IQCK: variants seen among roughly 807,000 people sequenced by gnomAD.
The protein encoded by IQCK is IQ motif containing K.
Under a neutral mutation model 28.1 loss-of-function variants are expected in IQCK, and 29 were observed. That is an observed-to-expected ratio of 1.03 (90% CI 0.77 to 1.41). The LOEUF is 1.41. Among genes scored for constraint, IQCK ranks in the 40% most tolerant of loss-of-function variants. The pLI, the probability that IQCK is intolerant of heterozygous loss-of-function variation, is 0.00. For missense variants in IQCK, 359 were observed against 314.7 expected (o/e 1.14, Z -1.07); for synonymous variants, 113 against 115.1 (o/e 0.98, Z 0.12).
intron 1 of IQCK, among the ~76,000 whole-genome samples, chr16:19,730,050 G>C (rs1396199022): frequency 6.6e-6 from 1 of 151,510 alleles, no homozygotes. Context: ...CTGCCTCCCG[G>C]GTTCAAGCAA....
At chr16:19,813,171 G>C (rs11865403) in intron 7 of IQCK, among the ~76,000 whole-genome samples, 26,604 of 152,190 alleles carry the variant, frequency 0.17, 2,414 homozygotes, top group South Asian at 0.26. Context: ...ATGCAGTAGA[G>C]AGATAGGGAT....
intron 7 of IQCK, among the ~76,000 whole-genome samples, chr16:19,824,744 T>G (rs2056123429): frequency 6.6e-6 from 1 of 152,134 alleles, no homozygotes; most frequent in African/African-American, 2.4e-5. Flanking sequence ...AGTGAAGAGG[T>G]AGAAAGATGA....
chr16:19,720,410 A>T (rs1977456913), intron 1 of IQCK, among the ~76,000 whole-genome samples: 1 of 152,194 alleles, frequency 6.6e-6, no homozygotes, highest in Non-Finnish European at 1.5e-5. Context: ...TTCTTATAAT[A>T]CAGTTTACTA....
At chr16:19,803,484 T>C (rs1195558285) in intron 7 of IQCK, among the ~76,000 whole-genome samples, 2 of 152,244 alleles carry the variant, frequency 1.3e-5, no homozygotes, top group Admixed American at 6.5e-5. Context: ...GACTCTAACA[T>C]GCAGCCAGGA....
At chr16:19,763,926 A>C (rs753757509) in intron 5 of IQCK, 26 bp downstream of exon 5, 1 of 1,605,766 alleles carries the variant, frequency 6.2e-7, no homozygotes, top group Non-Finnish European at 8.5e-7. Flanking sequence ...CTGACTATTC[A>C]GTGATCCTAA....
downstream of IQCK, among the ~76,000 whole-genome samples, chr16:19,828,812 C>T (rs570382237): frequency 1.4e-5 from 2 of 146,520 alleles, no homozygotes; most frequent in Admixed American, 7.0e-5. Context: ...GATCGTGCTA[C>T]TGCACTTCAG....
intron 6 of IQCK, 128 bp downstream of exon 6, chr16:19,764,240 C>T (rs1288914872): frequency 6.9e-6 from 5 of 722,520 alleles, no homozygotes; most frequent in African/African-American, 5.3e-5. Flanking sequence ...ATATTTGTGA[C>T]TCCTGTCTCT....
At chr16:19,783,343 AAGG>A (rs1043166017) in intron 6 of IQCK, among the ~76,000 whole-genome samples, 24 of 152,234 alleles carry the variant, frequency 1.6e-4, no homozygotes, top group African/African-American at 5.8e-4. Context: ...TTGAGAAAAA[AAGG>A]AGGAGGACAT....
chr16:19,781,199 A>G (rs1383714896), intron 6 of IQCK, among the ~76,000 whole-genome samples: 1 of 152,228 alleles, frequency 6.6e-6, no homozygotes, highest in Non-Finnish European at 1.5e-5. Context: ...AAGACGTTAA[A>G]TAATACCACA....
downstream of IQCK, chr16:19,827,244 G>C: frequency 1.4e-6 from 1 of 734,958 alleles, no homozygotes; most frequent in South Asian, 1.6e-5. Context: ...TTGTCTGCAT[G>C]GAACTCAGCT....
At chr16:19,857,473 G>C (rs1464975929) in exon 10 of IQCK, 3 of 437,382 alleles carry the variant, frequency 6.9e-6, no homozygotes, top group African/African-American at 2.1e-5. Flanking sequence ...AGTCAGCCGG[G>C]GGAAGATAAA....
intron 7 of IQCK, among the ~76,000 whole-genome samples, chr16:19,809,761 C>A (rs112036048): frequency 0.024 from 3,693 of 152,260 alleles, 145 homozygotes; most frequent in African/African-American, 0.079. Context: ...CATAATTATC[C>A]AGAGGGCCTG....
rs1016767188 is a variant in IQCK, at chr16:19,778,153, G to A, written c.606-10685G>A. Among the ~76,000 whole-genome samples, 27 of 152,182 alleles carry A rather than the reference G, an allele frequency of 1.8e-4. 1 individual carries two copies. Among genetic ancestry groups the A allele is most frequent in the Admixed American group, 5.2e-4 (8 of 15,276 alleles). On this transcript the variant is annotated intron_variant, in intron 6 of 7. Coordinates refer to ENST00000564186, the Ensembl canonical transcript of IQCK. Reference sequence around the variant, plus strand: ...CACCATTTAGTAAAGCGTTTTCCCTGAGTTCTATGAGCTGTTGTAGAAAAT... The same window carrying A: ...CACCATTTAGTAAAGCGTTTTCCCTAAGTTCTATGAGCTGTTGTAGAAAAT...
intron 9 of IQCK, among the ~76,000 whole-genome samples, chr16:19,849,331 G>A (rs762971890): frequency 2.0e-5 from 3 of 150,592 alleles, no homozygotes; most frequent in African/African-American, 4.9e-5. Context: ...AATTTTGGAC[G>A]TAATGAATGT....
downstream of IQCK, among the ~76,000 whole-genome samples, chr16:19,827,533 G>T (rs757096953): frequency 1.3e-5 from 2 of 152,110 alleles, no homozygotes; most frequent in Admixed American, 1.3e-4. Context: ...CCCCTTTTGC[G>T]ATGGCTAATT....
intron 6 of IQCK, among the ~76,000 whole-genome samples, chr16:19,780,181 G>A (rs1172875264): frequency 4.6e-5 from 7 of 151,852 alleles, no homozygotes; most frequent in Admixed American, 3.9e-4. Flanking sequence ...AGCTGGGACT[G>A]TAGGCATGTG....
Position 19,767,161 on chromosome 16 carries a change from C to T in IQCK, c.605+3049C>T, listed in dbSNP as rs528977103. 5.9e-5 allele frequency among the ~76,000 whole-genome samples: 9 copies of T among 152,266 alleles called. No homozygotes were observed. In the East Asian group the frequency reaches 1.5e-3, roughly 26 times the overall value. ...AGGTTGTCGGGCTCCCACCCGATGG[C>T]GGTGTCTATAGGTGAATTTACAGCT... On this transcript the variant is annotated intron_variant, in intron 6 of 7. Coordinates refer to ENST00000564186, the Ensembl canonical transcript of IQCK.
chr16:19,851,179 G>A (rs1271818958), intron 9 of IQCK, among the ~76,000 whole-genome samples: 1 of 152,160 alleles, frequency 6.6e-6, no homozygotes, highest in Non-Finnish European at 1.5e-5. Flanking sequence ...GCTCACAGTT[G>A]ACTGAGGCCC....
exon 10 of IQCK, chr16:19,857,720 C>T (rs975393378): frequency 1.3e-4 from 22 of 171,206 alleles, no homozygotes; most frequent in Non-Finnish European, 2.5e-4. Flanking sequence ...CACCCTTGTT[C>T]AGTGGGTCCT....
Sources: gnomAD v4.1 joint callset for allele counts (sites outside exome capture counted in the v4.1 genomes callset) on GRCh38, gnomAD v4.1.1 for gene constraint, MANE v1.5 for transcripts, NCBI Gene and HGNC (gene_info 2026-07-23, HGNC 2026-07-21) for gene names.